The following CBLN2 variants were observed in gnomAD, a reference collection of about 807,000 sequenced individuals.
CBLN2 encodes the protein cerebellin-2.
Under a neutral mutation model 15.0 loss-of-function variants are expected in CBLN2, and 7 were observed. That is an observed-to-expected ratio of 0.47 (90% CI 0.27 to 0.88). The LOEUF (loss-of-function observed/expected upper bound fraction) is 0.88. CBLN2 is among the 40% of genes least tolerant of loss of function. The pLI is 0.14. For synonymous variants in CBLN2, 149 were observed against 135.2 expected (o/e 1.10, Z -0.71); for missense variants, 242 against 304.5 (o/e 0.79, Z 1.53).
At chr18:72,546,101 C>T (rs1026133093), upstream of CBLN2, among the ~76,000 whole-genome samples, 1 of 152,092 alleles carries the variant, frequency 6.6e-6, no homozygotes, top group African/African-American at 2.4e-5. Context: ...GACAGAGAAG[C>T]AGATTATTTA....
intron 1 of CBLN2, among the ~76,000 whole-genome samples, chr18:72,560,685 T>C (rs1389282805): frequency 6.6e-6 from 1 of 152,188 alleles, no homozygotes. Context: ...CATACATAGA[T>C]TCCAAAGGCT....
At chr18:72,625,814 CTCTCTATATATA>C (rs1308068660) in intron 1 of CBLN2, among the ~76,000 whole-genome samples, 25 of 66,576 alleles carry the variant, frequency 3.8e-4, no homozygotes, top group Non-Finnish European at 4.9e-4. Flanking sequence ...CTCTCTCTCT[CTCTCTATATATA>C]TATATATATA....
chr18:72,602,873 A>G (rs1472635911), intron 1 of CBLN2, among the ~76,000 whole-genome samples: 1 of 152,178 alleles, frequency 6.6e-6, no homozygotes, highest in Non-Finnish European at 1.5e-5. Flanking sequence ...TCCTTGTAGT[A>G]AATCTCTTAA....
chr18:72,566,937 C>A (rs2069299116), intron 1 of CBLN2, among the ~76,000 whole-genome samples: 2 of 152,052 alleles, frequency 1.3e-5, no homozygotes, highest in Non-Finnish European at 2.9e-5. Flanking sequence ...TATCCTCCTA[C>A]CTCAGCTACC....
At chr18:72,619,830 C>A (rs2069687835) in intron 1 of CBLN2, among the ~76,000 whole-genome samples, 1 of 152,052 alleles carries the variant, frequency 6.6e-6, no homozygotes, top group Admixed American at 6.6e-5. Context: ...TTTTCTTGAC[C>A]CCTTAATGGG....
chr18:72,549,689 C>A (rs1376327385), intron 1 of CBLN2, among the ~76,000 whole-genome samples: 1 of 152,004 alleles, frequency 6.6e-6, no homozygotes, highest in Non-Finnish European at 1.5e-5. Context: ...TTTCACCTGT[C>A]TAAAACCCAA....
At chr18:72,560,965 C>T (rs548167050) in intron 1 of CBLN2, among the ~76,000 whole-genome samples, 20 of 151,950 alleles carry the variant, frequency 1.3e-4, no homozygotes, top group East Asian at 5.8e-4. Flanking sequence ...GCCAAGATCT[C>T]GCCACCGTAC....
chr18:72,538,786 G>A lies in CBLN2; in HGVS notation c.358-14C>T, dbSNP rs369620643. 302 of 1,612,520 alleles carry A rather than the reference G, an allele frequency of 1.9e-4. No individual in the cohort carries two copies. Among genetic ancestry groups the A allele is most frequent in the Non-Finnish European group, 2.5e-4 (292 of 1,179,724 alleles). ...ATTTACTAATACCTGAAAAAGAAGA[G>A]GGAACACAGCACACAATGGCAAGCC... On this transcript the variant is annotated splice_polypyrimidine_tract_variant and intron_variant, in intron 3 of 4. Transcript: ENST00000269503.
chr18:72,572,589 T>C (rs1047694013), intron 1 of CBLN2, among the ~76,000 whole-genome samples: 1 of 152,150 alleles, frequency 6.6e-6, no homozygotes, highest in African/African-American at 2.4e-5. Flanking sequence ...TCATCAGTTT[T>C]ACTGCCTTTT....
At chr18:72,637,495 G>C (rs935998031) in intron 1 of CBLN2, among the ~76,000 whole-genome samples, 3 of 152,216 alleles carry the variant, frequency 2.0e-5, no homozygotes, top group Non-Finnish European at 4.4e-5. Context: ...AGAGGCTGGC[G>C]TGAATAGAAA....
chr18:72,609,255 C>G (rs531594916), intron 1 of CBLN2, among the ~76,000 whole-genome samples: 15 of 152,230 alleles, frequency 9.9e-5, no homozygotes, highest in African/African-American at 3.6e-4. Flanking sequence ...TATGTTGTAT[C>G]TAAATCCACA....
At chr18:72,622,138 C>T (rs1009290191) in intron 1 of CBLN2, among the ~76,000 whole-genome samples, 6 of 152,050 alleles carry the variant, frequency 3.9e-5, no homozygotes, top group African/African-American at 7.2e-5. Flanking sequence ...CATTTTTAAA[C>T]GAAATATTTT....
chr18:72,613,881 G>A (rs1054711372), intron 1 of CBLN2, among the ~76,000 whole-genome samples: 1 of 152,086 alleles, frequency 6.6e-6, no homozygotes, highest in Non-Finnish European at 1.5e-5. Context: ...TCATATTAGC[G>A]ACTTCCTTTT....
At chr18:72,636,165 A>C (rs193175946) in intron 1 of CBLN2, among the ~76,000 whole-genome samples, 124 of 152,338 alleles carry the variant, frequency 8.1e-4, no homozygotes, top group Middle Eastern at 3.4e-3. Context: ...AATTTTCTTT[A>C]TAAAATGGAA....
intron 1 of CBLN2, among the ~76,000 whole-genome samples, chr18:72,554,703 C>G (rs2069213509): frequency 6.6e-6 from 1 of 151,956 alleles, no homozygotes; most frequent in Non-Finnish European, 1.5e-5. Flanking sequence ...TACATACGAT[C>G]TCTAAATACG....
At chr18:72,566,015 T>C (rs1326539272) in intron 1 of CBLN2, among the ~76,000 whole-genome samples, 1 of 152,106 alleles carries the variant, frequency 6.6e-6, no homozygotes, top group Non-Finnish European at 1.5e-5. Flanking sequence ...AAGAGCTAAG[T>C]AGACATTTCT....
upstream of CBLN2, among the ~76,000 whole-genome samples, chr18:72,547,983 T>C (rs2069169106): frequency 6.6e-6 from 1 of 152,166 alleles, no homozygotes; most frequent in African/African-American, 2.4e-5. Context: ...ACCTACATCC[T>C]CAAGAAGCAA....
intron 1 of CBLN2, among the ~76,000 whole-genome samples, chr18:72,596,694 T>C (rs973606502): frequency 4.6e-5 from 7 of 152,222 alleles, no homozygotes; most frequent in Admixed American, 4.6e-4. Context: ...GATGTACTAT[T>C]GTAGAATAAA....
chr18:72,625,725 T>C (rs1356032323), intron 1 of CBLN2, among the ~76,000 whole-genome samples: 61 of 78,682 alleles, frequency 7.8e-4, no homozygotes, highest in African/African-American at 4.5e-3. Flanking sequence ...TATATATATA[T>C]ACACACTCTT....
Sources: allele counts gnomAD v4.1 joint callset (sites outside exome capture counted in the v4.1 genomes callset), GRCh38; gene constraint gnomAD v4.1.1; transcripts MANE v1.5; gene names NCBI Gene and HGNC (gene_info 2026-07-23, HGNC 2026-07-21).